RPTOR: variants seen among roughly 807,000 people sequenced by gnomAD.
The protein encoded by RPTOR is regulatory-associated protein of mTOR.
In RPTOR, 21 loss-of-function variants were observed where a neutral mutation model predicts 169.9. That is an observed-to-expected ratio of 0.12 (90% CI 0.09 to 0.18). RPTOR has a LOEUF of 0.18. Among genes scored for constraint, RPTOR ranks in the 10% least tolerant of loss-of-function variants. RPTOR has a pLI of 1.00. For synonymous variants in RPTOR, 732 were observed against 753.2 expected (o/e 0.97, Z 0.46); for missense variants, 1,133 against 1,855.9 (o/e 0.61, Z 7.16).
At chr17:80,771,017 G>A (rs568870154) in intron 6 of RPTOR, among the ~76,000 whole-genome samples, 1 of 152,200 alleles carries the variant, frequency 6.6e-6, no homozygotes, top group African/African-American at 2.4e-5. Flanking sequence ...CGGAACCATC[G>A]AGGTGATCGC....
chr17:80,841,172 C>T (rs1567942928), intron 10 of RPTOR, among the ~76,000 whole-genome samples: 1 of 128,960 alleles, frequency 7.8e-6, no homozygotes, highest in Admixed American at 7.3e-5. Flanking sequence ...CTCACTCTCA[C>T]CGCACGGCAG....
intron 2 of RPTOR, among the ~76,000 whole-genome samples, chr17:80,632,370 A>T (rs929730456): frequency 2.0e-5 from 3 of 152,182 alleles, no homozygotes; most frequent in Non-Finnish European, 4.4e-5. Flanking sequence ...TGTAGGTGTC[A>T]TCTGAGGATC....
At chr17:80,914,725 G>A (rs2068652696) in intron 21 of RPTOR, among the ~76,000 whole-genome samples, 1 of 152,266 alleles carries the variant, frequency 6.6e-6, no homozygotes. Context: ...GAGCATGGGA[G>A]GGAGGCTGAG....
At chr17:80,569,957 C>T (rs2064885834) in intron 1 of RPTOR, among the ~76,000 whole-genome samples, 1 of 152,146 alleles carries the variant, frequency 6.6e-6, no homozygotes, top group African/African-American at 2.4e-5. Context: ...GCCTGGCCTC[C>T]TGGAGTCTCA....
intron 21 of RPTOR, chr17:80,909,519 C>A (rs1181499408): frequency 3.3e-5 from 5 of 152,274 alleles, no homozygotes; most frequent in African/African-American, 1.2e-4. Context: ...CAGGTGCACA[C>A]CACCACACCC....
chr17:80,792,298 A>AT (rs1211941639), intron 7 of RPTOR, among the ~76,000 whole-genome samples: 1 of 152,200 alleles, frequency 6.6e-6, no homozygotes, highest in Non-Finnish European at 1.5e-5. Flanking sequence ...TTATATCTTA[A>AT]TATTAGGGCC....
At chr17:80,559,864 CT>C (rs1421143061) in intron 1 of RPTOR, among the ~76,000 whole-genome samples, 3 of 152,340 alleles carry the variant, frequency 2.0e-5, no homozygotes, top group Middle Eastern at 6.8e-3. Flanking sequence ...AAGAGGTTGA[CT>C]TCCTTGTTTT....
rs1283095459 is a variant in RPTOR at position 80,966,213 on chromosome 17, C to G, written c.*1883C>G. ...TCTTCACAGGTCTGATGTGAAAATTCAATCACGACGTTAACCGGCTCGAGA... is the reference window on the plus strand; with the variant it reads ...TCTTCACAGGTCTGATGTGAAAATTGAATCACGACGTTAACCGGCTCGAGA... On this transcript the variant is annotated 3_prime_UTR_variant, in exon 34 of 34. Coordinates refer to ENST00000306801, the MANE Select transcript of RPTOR (RefSeq NM_020761.3). The G allele has an allele frequency of 4.8e-6, 1 of 207,836 alleles. No homozygotes were observed. Among genetic ancestry groups the G allele is most frequent in the Non-Finnish European group, 9.4e-6 (1 of 106,558 alleles). 12.9% of individuals were successfully genotyped at this position (207,836 alleles called of 1,614,324 possible). A position where few individuals can be genotyped will look rare whatever the true frequency, so the allele number is the denominator to read the frequency against.
chr17:80,858,485 C>A lies in RPTOR; in HGVS notation c.1509+585C>A, dbSNP rs959950714. 4.6e-5 allele frequency among the ~76,000 whole-genome samples: 7 copies of A among 152,224 alleles called. 1 individual carries two copies. The highest frequency in any genetic ancestry group is 2.6e-4 in the Admixed American group (4 of 15,284). Reference sequence around the variant, plus strand: ...GCCCCTCAATCATCTAGGCCAGGGACCCATATTTAGCTATGTTAAGAGAGA... The same window carrying A: ...GCCCCTCAATCATCTAGGCCAGGGAACCATATTTAGCTATGTTAAGAGAGA... On this transcript the variant is annotated intron_variant, in intron 13 of 33. Transcript: ENST00000306801.
intron 28 of RPTOR, among the ~76,000 whole-genome samples, chr17:80,953,520 G>A (rs1278668950): frequency 6.6e-6 from 1 of 152,248 alleles, no homozygotes; most frequent in Non-Finnish European, 1.5e-5. Context: ...TCTGCCCCAG[G>A]TCTCAGAGTG....
rs562979488 is a variant in RPTOR at position 80,867,772 on chromosome 17, TA to T, written c.1509+9881del. Among the ~76,000 whole-genome samples the T allele has an allele frequency of 7.2e-4, 108 of 150,398 alleles. 1 individual carries two copies. The highest frequency in any genetic ancestry group is 1.4e-3 in the Non-Finnish European group (97 of 67,502). On this transcript the variant is annotated intron_variant, in intron 13 of 33. Transcript: ENST00000306801. The stretch of plus-strand genomic sequence containing the variant: ...AAATAGAGAACATTTACAATACCAC[TA>T]AAAAAAAAGAAATACTTAGGGATAC...
chr17:80,744,083 G>GAGCACAGCCCTGGTTGCT (rs1555613695), intron 5 of RPTOR, among the ~76,000 whole-genome samples: 2 of 1,534 alleles, frequency 1.3e-3, no homozygotes, highest in Non-Finnish European at 1.9e-3. Flanking sequence ...TCCTGGTTAC[G>GAGCACAGCCCTGGTTGCT]AGCACAGCCC....
At chr17:80,847,496 C>T (rs148001124) in intron 11 of RPTOR, among the ~76,000 whole-genome samples, 1 of 150,706 alleles carries the variant, frequency 6.6e-6, no homozygotes, top group African/African-American at 2.4e-5. Flanking sequence ...TAAGAACTCA[C>T]TTTAAAAGCT....
chr17:80,585,088 T>C (rs2143383675), intron 1 of RPTOR, among the ~76,000 whole-genome samples: 1 of 152,228 alleles, frequency 6.6e-6, no homozygotes, highest in Middle Eastern at 3.4e-3. Flanking sequence ...GGGGTGCCAT[T>C]TGGAAATTGA....
At chr17:80,794,637 A>C (rs1598308411) in intron 7 of RPTOR, among the ~76,000 whole-genome samples, 1 of 152,332 alleles carries the variant, frequency 6.6e-6, no homozygotes, top group East Asian at 1.9e-4. Context: ...TCTGTTCATT[A>C]CCCCAAGCCG....
At chr17:80,875,225 C>CG (rs1445851735) in intron 13 of RPTOR, among the ~76,000 whole-genome samples, 2 of 152,082 alleles carry the variant, frequency 1.3e-5, no homozygotes, top group South Asian at 4.1e-4. Flanking sequence ...CCCGGCCTTA[C>CG]GGGTGCACCT....
intron 1 of RPTOR, among the ~76,000 whole-genome samples, chr17:80,589,557 A>C (rs2065088637): frequency 6.6e-6 from 1 of 152,140 alleles, no homozygotes; most frequent in African/African-American, 2.4e-5. Context: ...TTAGGCAGAG[A>C]CTTGACATCT....
chr17:80,846,695 C>T (rs2067734793), intron 11 of RPTOR, 121 bp downstream of exon 11: 1 of 765,742 alleles, frequency 1.3e-6, no homozygotes, highest in Non-Finnish European at 2.2e-6. Context: ...CATCCCAGCC[C>T]CTCTGCCCCG....
At chr17:80,638,504 C>G (rs2065526836) in intron 2 of RPTOR, among the ~76,000 whole-genome samples, 2 of 146,414 alleles carry the variant, frequency 1.4e-5, no homozygotes. Context: ...TGGACTCAAG[C>G]GATCCTCCCA....
Sources: gnomAD v4.1 joint callset for allele counts (sites outside exome capture counted in the v4.1 genomes callset) on GRCh38, gnomAD v4.1.1 for gene constraint, MANE v1.5 for transcripts, NCBI Gene and HGNC (gene_info 2026-07-23, HGNC 2026-07-21) for gene names.